The following MTMR7 variants were observed in gnomAD, a reference collection of about 807,000 sequenced individuals.
The protein encoded by MTMR7 is phosphatidylinositol-3-phosphate phosphatase MTMR7.
MTMR7 carries 76 observed loss-of-function variants against 81.2 expected under a neutral mutation model. The ratio of observed to expected loss-of-function variants is 0.94; its 90% CI spans 0.78 to 1.13. The LOEUF is 1.13. MTMR7 is among the 50% of genes most tolerant of loss of function. The pLI, the probability that MTMR7 is intolerant of heterozygous loss-of-function variation, is 0.00. For missense variants in MTMR7, 1,044 were observed against 820.0 expected, an observed-to-expected ratio of 1.27 and a Z score of -3.34; for synonymous variants, 372 against 289.8, an observed-to-expected ratio of 1.28 and a Z score of -2.88.
chr8:17,375,189 T>C (rs1261150715), intron 1 of MTMR7, among the ~76,000 whole-genome samples: 3 of 152,084 alleles, frequency 2.0e-5, no homozygotes, highest in African/African-American at 7.2e-5. Context: ...GCAGACCTCG[T>C]GAACATTCCT....
chr8:17,303,846 G>A (rs1817282454), intron 12 of MTMR7, among the ~76,000 whole-genome samples: 1 of 152,098 alleles, frequency 6.6e-6, no homozygotes, highest in Non-Finnish European at 1.5e-5. Context: ...CTGACCTAGG[G>A]TGATCCACCC....
intron 5 of MTMR7, among the ~76,000 whole-genome samples, chr8:17,347,742 G>A (rs1012046559): frequency 3.9e-5 from 6 of 152,054 alleles, no homozygotes; most frequent in Non-Finnish European, 8.8e-5. Flanking sequence ...CCTATCCTCC[G>A]CAGAAATGGA....
intron 1 of MTMR7, among the ~76,000 whole-genome samples, chr8:17,380,320 A>G (rs977200711): frequency 1.1e-4 from 17 of 152,152 alleles, no homozygotes; most frequent in African/African-American, 4.1e-4. Context: ...CTGCACAATC[A>G]CTCTATATAC....
chr8:17,303,525 AG>A (rs1168374233), intron 12 of MTMR7, among the ~76,000 whole-genome samples: 2 of 152,134 alleles, frequency 1.3e-5, no homozygotes, highest in African/African-American at 4.8e-5. Context: ...AGGAAGCCAA[AG>A]GAAAAAACAT....
chr8:17,405,235 T>C (rs74422156), intron 1 of MTMR7, among the ~76,000 whole-genome samples: 3,224 of 152,292 alleles, frequency 0.021, 121 homozygotes, highest in East Asian at 0.13. Context: ...CTAGGAAGTG[T>C]TTGAAATTTG....
chr8:17,346,559 A>AG (rs1253783502), intron 5 of MTMR7, among the ~76,000 whole-genome samples: 35 of 152,100 alleles, frequency 2.3e-4, no homozygotes, highest in Non-Finnish European at 2.9e-5. Context: ...GCTGCCTCTG[A>AG]GGTCTAACTG....
chr8:17,365,867 G>A (rs2150560866), intron 3 of MTMR7, among the ~76,000 whole-genome samples: 1 of 152,278 alleles, frequency 6.6e-6, no homozygotes, highest in South Asian at 2.1e-4. Context: ...CGAAATTAAG[G>A]ATGAGTAACA....
intron 1 of MTMR7, among the ~76,000 whole-genome samples, chr8:17,373,518 T>C (rs2150566806): frequency 6.6e-6 from 1 of 152,186 alleles, no homozygotes; most frequent in East Asian, 1.9e-4. Flanking sequence ...GGTTTTACAA[T>C]GGTCAACGCT....
At chr8:17,312,574 C>CAA (rs10617081) in intron 8 of MTMR7, among the ~76,000 whole-genome samples, 11 of 87,250 alleles carry the variant, frequency 1.3e-4, no homozygotes, top group Non-Finnish European at 2.4e-4. Flanking sequence ...GACTCCCTCT[C>CAA]AAAAAAAAAA....
intron 1 of MTMR7, among the ~76,000 whole-genome samples, chr8:17,393,446 ATG>A (rs1170971812): frequency 2.6e-5 from 4 of 152,222 alleles, no homozygotes; most frequent in Non-Finnish European, 5.9e-5. Flanking sequence ...ACCTTACAGA[ATG>A]AAAGAAAATA....
At chr8:17,328,169 G>A (rs1818789056) in intron 7 of MTMR7, among the ~76,000 whole-genome samples, 1 of 152,164 alleles carries the variant, frequency 6.6e-6, no homozygotes, top group Non-Finnish European at 1.5e-5. Flanking sequence ...ATTGGCAGAG[G>A]AGGAAGATGT....
intron 10 of MTMR7, among the ~76,000 whole-genome samples, 195 bp from the exon 11 acceptor site, chr8:17,306,152 G>C (rs1300458266): frequency 6.6e-6 from 1 of 152,172 alleles, no homozygotes; most frequent in Admixed American, 6.5e-5. Context: ...TGACGGTCTG[G>C]ATAGAAGGGA....
At chr8:17,374,145 T>C (rs1820500804) in intron 1 of MTMR7, among the ~76,000 whole-genome samples, 1 of 152,228 alleles carries the variant, frequency 6.6e-6, no homozygotes, top group Admixed American at 6.5e-5. Context: ...TTTGCTTCCA[T>C]GCAGCTTAGG....
At chr8:17,328,590 A>G (rs1586197255) in intron 7 of MTMR7, among the ~76,000 whole-genome samples, 1 of 152,220 alleles carries the variant, frequency 6.6e-6, no homozygotes, top group African/African-American at 2.4e-5. Context: ...GTGGAGGGAG[A>G]GCATAAGGAA....
chr8:17,341,504 G>C lies in MTMR7; in HGVS notation c.598-7C>G. 2 of 1,613,096 alleles carry C rather than the reference G, an allele frequency of 1.2e-6. No individual in the cohort carries two copies. Among genetic ancestry groups the C allele is most frequent in the South Asian group, 2.2e-5 (2 of 91,062 alleles). ...TGCTCCGGCAGATGGAGGCCTAGGG[G>C]GAGAGGTCACAGCAACACAGCACCA... On this transcript the variant is annotated splice_polypyrimidine_tract_variant and splice_region_variant and intron_variant, in intron 5 of 13. Coordinates refer to ENST00000180173, the MANE Select transcript of MTMR7 (RefSeq NM_004686.5).
chr8:17,310,022 A>G (rs1481482441), intron 9 of MTMR7, among the ~76,000 whole-genome samples: 3 of 152,066 alleles, frequency 2.0e-5, no homozygotes, highest in Admixed American at 2.0e-4. Context: ...TATTTTTGAG[A>G]CAGGATCTCA....
chr8:17,318,611 T>C (rs868282172), intron 7 of MTMR7, among the ~76,000 whole-genome samples: 32 of 152,294 alleles, frequency 2.1e-4, no homozygotes, highest in African/African-American at 7.0e-4. Context: ...TCCTACCGCA[T>C]CATGTCAGCT....
chr8:17,372,988 C>T, intron 2 of MTMR7, 130 bp downstream of exon 2: 1 of 1,117,220 alleles, frequency 9.0e-7, no homozygotes, highest in East Asian at 2.5e-5. Context: ...ACACACATTC[C>T]AGAAACAGTT....
chr8:17,300,096 A>G lies in MTMR7; in HGVS notation c.1749T>C (p.Ser583=). Residue 583 remains serine (S), a synonymous_variant, in exon 14 of 14, where the codon AGT becomes AGC. Transcript: ENST00000180173. ...NSIANTPQDY[S]GNMKSFPSRS... ...GGGATGGAAATGATTTCATATTCCC[A>G]CTGTAATCCTGGGGAGTGTTGGCTA... The G allele has an allele frequency of 6.2e-7, 1 of 1,614,040 alleles. No homozygotes were observed. Among genetic ancestry groups the G allele is most frequent in the East Asian group, 2.2e-5 (1 of 44,868 alleles).
Sources: allele counts gnomAD v4.1 joint callset (sites outside exome capture counted in the v4.1 genomes callset), GRCh38; gene constraint gnomAD v4.1.1; transcripts MANE v1.5; gene names NCBI Gene and HGNC (gene_info 2026-07-23, HGNC 2026-07-21).